Variants in ARID1B observed in about 807,000 individuals in gnomAD.
ARID1B encodes the protein AT-rich interaction domain 1B.
Under a neutral mutation model 212.3 loss-of-function variants are expected in ARID1B, and 30 were observed. The observed-to-expected ratio is 0.14, with a 90% CI of 0.11 to 0.19. The LOEUF is 0.19. ARID1B is among the 10% of genes least tolerant of loss of function. The pLI is 1.00. For synonymous variants in ARID1B, 1,402 were observed against 1,301.7 expected (o/e 1.08, Z -1.66); for missense variants, 2,891 against 3,204.0 (o/e 0.90, Z 2.36).
Position 156,779,271 on chromosome 6 carries a change from CCGCCGCCGT to C in ARID1B, c.1595_1603del (p.Pro532_Ser534del). On this transcript the variant is annotated inframe_deletion, in exon 1 of 20. Transcript: ENST00000636930. ...GTACAGCAGCCCCAGCGCGCCGCCG[CCGCCGCCGT>C]CGCAGCCCCAGTCCCAGGCGGCGGC... The C allele has an allele frequency of 8.7e-7, 1 of 1,151,942 alleles. No homozygotes were observed. The highest frequency in any genetic ancestry group is 1.7e-5 in the African/African-American group (1 of 59,244). 71.4% of individuals were successfully genotyped at this position (1,151,942 alleles called of 1,614,324 possible).
intron 4 of ARID1B, among the ~76,000 whole-genome samples, chr6:156,945,233 CTTTTTTTTTTTTTTTTTTTTT>C (rs1164805779): frequency 1.4e-3 from 46 of 32,666 alleles, no homozygotes; most frequent in African/African-American, 4.0e-3. Context: ...CCGCATCCGG[CTTTTTTTTTTTTTTTTTTTTT>C]TTTTTTTTTT....
At chr6:156,932,380 T>A (rs1436058212) in intron 3 of ARID1B, among the ~76,000 whole-genome samples, 3 of 142,420 alleles carry the variant, frequency 2.1e-5, no homozygotes, top group African/African-American at 8.3e-5. Context: ...TTCCATTGCC[T>A]GGTTCTTGTG....
At chr6:157,034,303 T>G (rs1249100401) in intron 4 of ARID1B, among the ~76,000 whole-genome samples, 1 of 152,226 alleles carries the variant, frequency 6.6e-6, no homozygotes, top group African/African-American at 2.4e-5. Context: ...GAATGAGTGA[T>G]GGTCTTTTTG....
chr6:157,020,307 C>G (rs1454066855), intron 4 of ARID1B, among the ~76,000 whole-genome samples: 1 of 152,146 alleles, frequency 6.6e-6, no homozygotes. Flanking sequence ...TCATGTTAGT[C>G]ATTTACCCCC....
At chr6:157,112,073 T>C (rs1449275421) in intron 6 of ARID1B, among the ~76,000 whole-genome samples, 1 of 152,136 alleles carries the variant, frequency 6.6e-6, no homozygotes, top group Admixed American at 6.5e-5. Context: ...CCTGAGCCCA[T>C]GGAGGTCGAG....
intron 2 of ARID1B, among the ~76,000 whole-genome samples, chr6:156,836,857 G>T (rs1351161287): frequency 2.6e-5 from 4 of 152,098 alleles, no homozygotes; most frequent in African/African-American, 9.7e-5. Flanking sequence ...TAGAGACAGG[G>T]TTTTGCCATG....
intron 2 of ARID1B, among the ~76,000 whole-genome samples, chr6:156,844,766 G>A (rs1412849207): frequency 6.6e-6 from 1 of 152,132 alleles, no homozygotes; most frequent in Non-Finnish European, 1.5e-5. Context: ...TCAACTTTCA[G>A]TGTTTATGTT....
At chr6:157,183,427 G>T (rs776192530) in intron 12 of ARID1B, among the ~76,000 whole-genome samples, 1 of 152,058 alleles carries the variant, frequency 6.6e-6, no homozygotes, top group Non-Finnish European at 1.5e-5. Flanking sequence ...GCCACACAAC[G>T]CAGGAGACAT....
At chr6:156,813,093 C>A (rs1781712197) in intron 1 of ARID1B, among the ~76,000 whole-genome samples, 1 of 94,016 alleles carries the variant, frequency 1.1e-5, no homozygotes. Context: ...TATGTATATA[C>A]ATACATATAT....
Position 157,110,324 on chromosome 6 carries a change from CTAT to C in ARID1B, c.2492-145_2492-143del, listed in dbSNP as rs567220887. The C allele has an allele frequency of 1.8e-4, 116 of 641,590 alleles. 1 individual carries two copies. The highest frequency in any genetic ancestry group is 5.4e-4 in the Admixed American group (20 of 37,262). 39.7% of individuals were successfully genotyped at this position (641,590 alleles called of 1,614,324 possible). A position where few individuals can be genotyped will look rare whatever the true frequency, so the allele number is the denominator to read the frequency against. ...CTTTGTTTCCCAGGGAAAAGATGAA[CTAT>C]TACACTCTGAGCTATGTCTTTTTTT... On this transcript the variant is annotated intron_variant, in intron 5 of 19. Coordinates refer to ENST00000636930, the MANE Select transcript of ARID1B (RefSeq NM_001374828.1).
At chr6:157,016,460 A>G (rs1257916753) in intron 4 of ARID1B, among the ~76,000 whole-genome samples, 1 of 152,244 alleles carries the variant, frequency 6.6e-6, no homozygotes, top group Non-Finnish European at 1.5e-5. Context: ...AAATACAGCA[A>G]GTCCTTGAAT....
At position 157,210,441 on chromosome 6, in the gene ARID1B, C is replaced by T. The variant is rs900268675; in HGVS notation, c.*2550C>T. On this transcript the variant is annotated 3_prime_UTR_variant, in exon 20 of 20. Transcript: ENST00000636930. ...GTTATGGTTTGCATTGTAACCGATA[C>T]GCAGAGTCTGACCGTTGGGCAACAA... The T allele has an allele frequency of 2.2e-5, 5 of 231,022 alleles. No homozygotes were observed. Among genetic ancestry groups the T allele is most frequent in the Non-Finnish European group, 4.3e-5 (5 of 117,046 alleles). 14.3% of individuals were successfully genotyped at this position (231,022 alleles called of 1,614,324 possible).
At chr6:156,978,842 C>G (rs983223655) in intron 4 of ARID1B, among the ~76,000 whole-genome samples, 1 of 152,196 alleles carries the variant, frequency 6.6e-6, no homozygotes, top group Non-Finnish European at 1.5e-5. Context: ...TAGCCACATA[C>G]TCTTTTAGCC....
intron 4 of ARID1B, among the ~76,000 whole-genome samples, chr6:157,067,304 C>T (rs886924895): frequency 1.1e-4 from 17 of 152,216 alleles, no homozygotes; most frequent in Non-Finnish European, 1.9e-4. Context: ...AAGCTTTGCT[C>T]GTTTTTCTGG....
chr6:157,064,323 C>T (rs939616497), intron 4 of ARID1B, among the ~76,000 whole-genome samples: 2 of 152,170 alleles, frequency 1.3e-5, no homozygotes, highest in African/African-American at 4.8e-5. Flanking sequence ...AACAGGAATA[C>T]TTGTTTTTCA....
chr6:156,857,401 A>T (rs1785025391), intron 2 of ARID1B, among the ~76,000 whole-genome samples: 2 of 152,236 alleles, frequency 1.3e-5, no homozygotes, highest in Admixed American at 1.3e-4. Flanking sequence ...ATGCAAGGAC[A>T]GGTGGCTGTT....
chr6:157,110,308 C>T (rs1406735525), intron 5 of ARID1B, among the ~76,000 whole-genome samples, 164 bp from the exon 6 acceptor site: 2 of 151,912 alleles, frequency 1.3e-5, no homozygotes, highest in Non-Finnish European at 2.9e-5. Flanking sequence ...TCTTTGTTTC[C>T]CAGGGAAAAG....
Position 157,174,834 on chromosome 6 carries a change from T to C in ARID1B, c.3346-13T>C. On this transcript the variant is annotated splice_polypyrimidine_tract_variant and intron_variant, in intron 10 of 19. Transcript: ENST00000636930. ...CCTTTGTCATTTTTTTTTTTTTTATTCCTCTACCACAGGATAGCTACAGCT... is the reference window on the plus strand; with the variant it reads ...CCTTTGTCATTTTTTTTTTTTTTATCCCTCTACCACAGGATAGCTACAGCT... 6.8e-7 allele frequency: 1 copy of C among 1,480,456 alleles called. No individual in the cohort carries two copies. 91.7% of individuals were successfully genotyped at this position (1,480,456 alleles called of 1,614,324 possible). A position where few individuals can be genotyped will look rare whatever the true frequency, so the allele number is the denominator to read the frequency against.
Position 157,208,109 on chromosome 6 carries a change from G to GTTT in ARID1B, c.*226_*228dup, listed in dbSNP as rs370046956. On this transcript the variant is annotated 3_prime_UTR_variant, in exon 20 of 20. Transcript: ENST00000636930. ...TGTGTGTATAAGTACATCCTTTGGG[G>GTTT]TTTTTTTTTTCTCTTTTTTTTAACC... 3 of 446,364 alleles carry GTTT rather than the reference G, an allele frequency of 6.7e-6. No individual in the cohort carries two copies. The highest frequency in any genetic ancestry group is 6.2e-5 in the African/African-American group (3 of 48,132). 27.7% of individuals were successfully genotyped at this position (446,364 alleles called of 1,614,324 possible). A position where few individuals can be genotyped will look rare whatever the true frequency, so the allele number is the denominator to read the frequency against.
Sources: allele counts gnomAD v4.1 joint callset (sites outside exome capture counted in the v4.1 genomes callset), GRCh38; gene constraint gnomAD v4.1.1; transcripts MANE v1.5; gene names NCBI Gene and HGNC (gene_info 2026-07-23, HGNC 2026-07-21).